Variants in PPA1 observed in about 807,000 individuals in gnomAD.
The protein encoded by PPA1 is inorganic pyrophosphatase 1, also known as inorganic pyrophosphatase.
PPA1 carries 23 observed loss-of-function variants against 41.8 expected under a neutral mutation model. The observed-to-expected ratio is 0.55, with a 90% confidence interval of 0.40 to 0.78. The LOEUF (loss-of-function observed/expected upper bound fraction) is 0.78. Ranked by LOEUF, PPA1 falls within the 30% of genes least tolerant of loss-of-function variation. PPA1 has a pLI of 0.00. For synonymous variants in PPA1, 101 were observed against 116.8 expected, an observed-to-expected ratio of 0.86 and a Z score of 0.87; for missense variants, 320 against 361.6, an observed-to-expected ratio of 0.89 and a Z score of 0.93.
intron 2 of PPA1, among the ~76,000 whole-genome samples, chr10:70,223,017 A>AT (rs1324429682): frequency 1.3e-5 from 2 of 151,968 alleles, no homozygotes; most frequent in East Asian, 3.9e-4. Flanking sequence ...TGAACTCATC[A>AT]TTTTTTATGC....
chr10:70,209,779 A>T lies in PPA1; in HGVS notation c.512-94T>A, dbSNP rs1310376623. ...GATTTCAAGATGCACAAATAATTATACACTCAACAAAAATTCCAAGTACTT... is the reference window on the plus strand; with the variant it reads ...GATTTCAAGATGCACAAATAATTATTCACTCAACAAAAATTCCAAGTACTT... On this transcript the variant is annotated intron_variant, in intron 6 of 10. Transcript: ENST00000373232. The T allele has an allele frequency of 3.6e-6, 5 of 1,370,698 alleles. No homozygotes were observed. In the East Asian group the frequency reaches 1.2e-4, roughly 32 times the overall value. The allele number at this position is 1,370,698 out of a possible 1,614,324, so 84.9% of individuals were successfully genotyped here.
intron 2 of PPA1, among the ~76,000 whole-genome samples, chr10:70,228,519 G>C (rs1271276944): frequency 6.6e-6 from 1 of 152,146 alleles, no homozygotes; most frequent in Non-Finnish European, 1.5e-5. Flanking sequence ...TGATATACAT[G>C]CTATTATACA....
chr10:70,217,318 G>C (rs984291424), intron 4 of PPA1, among the ~76,000 whole-genome samples: 1 of 152,096 alleles, frequency 6.6e-6, no homozygotes, highest in African/African-American at 2.4e-5. Flanking sequence ...CAGGTATTAA[G>C]TGCTTTATTT....
At chr10:70,213,361 A>G in intron 6 of PPA1, 102 bp downstream of exon 6, 6 of 1,362,702 alleles carry the variant, frequency 4.4e-6, no homozygotes, top group Non-Finnish European at 1.0e-6. Flanking sequence ...TCCATCCTTT[A>G]ACAGTTTGAA....
chr10:70,227,848 G>A (rs1366373458), intron 2 of PPA1, among the ~76,000 whole-genome samples: 1 of 151,834 alleles, frequency 6.6e-6, no homozygotes, highest in Non-Finnish European at 1.5e-5. Flanking sequence ...TAGGAATAAA[G>A]TCCAAGGCCA....
chr10:70,209,816 G>A, intron 6 of PPA1, 131 bp from the exon 7 acceptor site: 1 of 1,071,394 alleles, frequency 9.3e-7, no homozygotes, highest in Non-Finnish European at 1.4e-6. Flanking sequence ...TTTTGAAAGA[G>A]CTGTGGAATG....
At chr10:70,227,159 T>C (rs138103729) in intron 2 of PPA1, among the ~76,000 whole-genome samples, 19 of 152,370 alleles carry the variant, frequency 1.2e-4, no homozygotes, top group African/African-American at 4.6e-4. Context: ...TAGGTGCTTT[T>C]ATATTTGATC....
At chr10:70,206,726 C>G (rs1047855009) in intron 8 of PPA1, among the ~76,000 whole-genome samples, 1 of 150,900 alleles carries the variant, frequency 6.6e-6, no homozygotes, top group East Asian at 1.9e-4. Flanking sequence ...TGCCTGTAGT[C>G]CCAGCTACTC....
chr10:70,210,447 T>C (rs1393170849), intron 6 of PPA1: 3 of 1,359,888 alleles, frequency 2.2e-6, no homozygotes, highest in African/African-American at 3.0e-5. Flanking sequence ...TAGATTAGAT[T>C]GATATCCATT....
intron 8 of PPA1, among the ~76,000 whole-genome samples, chr10:70,206,889 GGGGAGGGGAGGAGAGGAC>G (rs1325848609): frequency 4.6e-4 from 54 of 117,276 alleles, no homozygotes; most frequent in African/African-American, 7.3e-4. Flanking sequence ...GGGGAGGGGA[GGGGAGGGGAGGAGAGGAC>G]GAAAGAAACT....
At chr10:70,226,720 T>C (rs1053596037) in intron 2 of PPA1, among the ~76,000 whole-genome samples, 1 of 152,216 alleles carries the variant, frequency 6.6e-6, no homozygotes, top group Non-Finnish European at 1.5e-5. Flanking sequence ...TGTCAAACTT[T>C]TCTGTTTTGC....
chr10:70,204,449 T>A (rs978828688), intron 10 of PPA1: 3 of 154,132 alleles, frequency 1.9e-5, no homozygotes, highest in Non-Finnish European at 4.3e-5. Flanking sequence ...TACCACATGA[T>A]CTCATTTATA....
At chr10:70,229,329 C>T (rs1840263519) in intron 2 of PPA1, among the ~76,000 whole-genome samples, 1 of 152,198 alleles carries the variant, frequency 6.6e-6, no homozygotes, top group African/African-American at 2.4e-5. Flanking sequence ...CAGGTTCTTG[C>T]TATGTTGCCC....
chr10:70,206,289 T>A lies in PPA1; in HGVS notation c.770A>T (p.Asp257Val). The change falls in exon 9 of 11, where the codon GAT becomes GTT. Residue 257 changes from aspartate (D) to valine (V), a missense_variant. By Grantham distance (152) the Asp-to-Val change is radical. Transcript: ENST00000373232. ...AGCATCCACAATGGCTCTGGCAGCA[T>A]CAGGATCACACTTGAAGGGGCTCTC... is the stretch of plus-strand genomic sequence containing the variant. ...LSESPFKCDP[D>V]AARAIVDALP... 1.2e-6 allele frequency: 2 copies of A among 1,613,536 alleles called. No homozygotes were observed. Among genetic ancestry groups the A allele is most frequent in the Non-Finnish European group, 1.7e-6 (2 of 1,179,524 alleles).
chr10:70,226,376 C>T (rs74416932), intron 2 of PPA1, among the ~76,000 whole-genome samples: 4,562 of 151,908 alleles, frequency 0.03, 124 homozygotes, highest in East Asian at 0.13. Context: ...GAGTTCGAGA[C>T]CAGCGAAAGC....
intron 3 of PPA1, among the ~76,000 whole-genome samples, chr10:70,218,190 G>A (rs1306401615): frequency 6.6e-6 from 1 of 151,962 alleles, no homozygotes; most frequent in Non-Finnish European, 1.5e-5. Flanking sequence ...AAAATTAGCT[G>A]GAATAAATTC....
chr10:70,215,472 T>C (rs986165849), intron 4 of PPA1, among the ~76,000 whole-genome samples: 1 of 151,768 alleles, frequency 6.6e-6, no homozygotes, highest in Non-Finnish European at 1.5e-5. Context: ...TCTTCTTCCT[T>C]TTTTTTCTTT....
chr10:70,232,571 G>T (rs1840299916), intron 1 of PPA1, among the ~76,000 whole-genome samples: 1 of 152,200 alleles, frequency 6.6e-6, no homozygotes, highest in Non-Finnish European at 1.5e-5. Context: ...TAAAAACTTG[G>T]CACTTTCTCA....
intron 1 of PPA1, 75 bp downstream of exon 1, chr10:70,233,161 CGGAGACCTGGGGCCGAGCGCGGGCCGCA>C: frequency 7.8e-7 from 1 of 1,283,208 alleles, no homozygotes; most frequent in Non-Finnish European, 1.0e-6. Flanking sequence ...GGGCCCGCGT[CGGAGACCTGGGGCCGAGCGCGGGCCGCA>C]CCCTCCCGGG....
Sources: allele counts gnomAD v4.1 joint callset (sites outside exome capture counted in the v4.1 genomes callset), GRCh38; gene constraint gnomAD v4.1.1; transcripts MANE v1.5; gene names NCBI Gene and HGNC (gene_info 2026-07-23, HGNC 2026-07-21).